DLGAP2: variants seen among roughly 807,000 people sequenced by gnomAD.
The protein encoded by DLGAP2 is disks large-associated protein 2.
A neutral mutation model predicts 100.3 loss-of-function variants in DLGAP2; 26 were observed. The observed-to-expected ratio is 0.26, with a 90% CI of 0.19 to 0.36. The LOEUF is 0.36. DLGAP2 is among the 10% of genes least tolerant of loss of function. The pLI is 1.00. For missense variants in DLGAP2, 1,858 were observed against 1,453.2 expected (o/e 1.28, Z -4.53); for synonymous variants, 886 against 630.1 (o/e 1.41, Z -6.08).
chr8:840,921 A>T (rs1030614303), intron 1 of DLGAP2, among the ~76,000 whole-genome samples: 3 of 152,132 alleles, frequency 2.0e-5, no homozygotes, highest in African/African-American at 7.2e-5. Context: ...GTTTGGCAGG[A>T]CTCAGCAGTG....
At chr8:1,046,342 C>T (rs932156505) in intron 2 of DLGAP2, among the ~76,000 whole-genome samples, 3 of 152,164 alleles carry the variant, frequency 2.0e-5, no homozygotes, top group East Asian at 1.9e-4. Context: ...CTTCACTTTA[C>T]CTCTAGTTTG....
chr8:1,533,876 G>T (rs1360019858), intron 4 of DLGAP2, among the ~76,000 whole-genome samples: 2 of 152,156 alleles, frequency 1.3e-5, no homozygotes, highest in African/African-American at 4.8e-5. Flanking sequence ...AGGATTGCTT[G>T]AGCGGGAGTT....
rs559139235 is a variant in DLGAP2 at position 1,254,087 on chromosome 8, G to A, written c.74-4764G>A. Among the ~76,000 whole-genome samples the A allele has an allele frequency of 1.0e-3, 153 of 152,342 alleles. 1 individual carries two copies. The highest frequency in any genetic ancestry group is 2.0e-3 in the Non-Finnish European group (134 of 68,034). ...AGTCCCTCCTGGGGGCACTGAGTGG[G>A]GACAGCCATGGCCAGGGGGGCCAAG... On this transcript the variant is annotated intron_variant, in intron 2 of 14. Transcript: ENST00000637795.
intron 1 of DLGAP2, among the ~76,000 whole-genome samples, chr8:845,682 A>AT (rs1179883091): frequency 2.0e-5 from 3 of 152,078 alleles, no homozygotes; most frequent in African/African-American, 7.2e-5. Context: ...TATCCAGTTT[A>AT]TTTCTTTTTT....
intron 4 of DLGAP2, among the ~76,000 whole-genome samples, chr8:1,539,363 A>T (rs1415686216): frequency 6.6e-6 from 1 of 152,184 alleles, no homozygotes; most frequent in Non-Finnish European, 1.5e-5. Context: ...GAGGACTCCG[A>T]AGAGGAAAAC....
In DLGAP2 at chr8:1,626,893, G is replaced by A. The variant is rs368996807; in HGVS notation, c.1590+6G>A. ...AGGCCAGCTGCGTGAGCCAGGTCAG[G>A]GTCCCTTCGCCCTTTCTCCCTGGGG... On this transcript the variant is annotated splice_donor_region_variant and intron_variant, in intron 7 of 14. Transcript: ENST00000637795. 3.8e-6 allele frequency: 6 copies of A among 1,587,392 alleles called. No homozygotes were observed. In the African/African-American group the frequency reaches 6.7e-5, roughly 18 times the overall value.
intron 2 of DLGAP2, among the ~76,000 whole-genome samples, chr8:949,273 C>A (rs1422329386): frequency 6.6e-6 from 1 of 152,166 alleles, no homozygotes; most frequent in Non-Finnish European, 1.5e-5. Flanking sequence ...GAGGAACTTT[C>A]CTAGTTCAGG....
chr8:1,189,090 G>C (rs113849855), intron 2 of DLGAP2, among the ~76,000 whole-genome samples: 4 of 144,348 alleles, frequency 2.8e-5, no homozygotes, highest in Non-Finnish European at 4.4e-5. Flanking sequence ...CCGGTTCCGC[G>C]GTTGGGGTTG....
In DLGAP2 at chr8:1,453,888, G is replaced by A. The variant is rs144462944; in HGVS notation, c.107-47478G>A. On this transcript the variant is annotated intron_variant, in intron 3 of 14. Coordinates refer to ENST00000637795, the MANE Select transcript of DLGAP2 (RefSeq NM_001346810.2). ...CTCCATGGAAACTGGATATTCAGAT[G>A]CTCTGAGATATTTTTGTCTTTGGGG... Among the ~76,000 whole-genome samples the A allele has an allele frequency of 2.8e-3, 424 of 152,328 alleles. 1 individual carries two copies. The highest frequency in any genetic ancestry group is 9.8e-3 in the African/African-American group (408 of 41,580).
At chr8:1,239,993 C>G (rs1262545995) in intron 2 of DLGAP2, among the ~76,000 whole-genome samples, 7 of 150,668 alleles carry the variant, frequency 4.6e-5, no homozygotes, top group Non-Finnish European at 8.8e-5. Flanking sequence ...CTAGTTCTCT[C>G]TCACACAGAG....
chr8:866,713 T>C (rs565162123), intron 1 of DLGAP2, among the ~76,000 whole-genome samples: 1 of 152,248 alleles, frequency 6.6e-6, no homozygotes, highest in Non-Finnish European at 1.5e-5. Context: ...CTAAATACTT[T>C]CCCAGACGCT....
chr8:1,124,798 T>C (rs1318900939), intron 2 of DLGAP2, among the ~76,000 whole-genome samples: 1 of 152,192 alleles, frequency 6.6e-6, no homozygotes, highest in Non-Finnish European at 1.5e-5. Context: ...TCCCATCAAA[T>C]CATCTCGTTT....
chr8:1,581,670 A>T (rs992861371), intron 6 of DLGAP2, among the ~76,000 whole-genome samples: 13 of 151,950 alleles, frequency 8.6e-5, no homozygotes, highest in Admixed American at 8.5e-4. Context: ...AACCAGAAAG[A>T]TACAGACAAA....
chr8:746,676 G>GT (rs2132564339), intron 1 of DLGAP2, among the ~76,000 whole-genome samples: 1 of 152,362 alleles, frequency 6.6e-6, no homozygotes, highest in African/African-American at 2.4e-5. Context: ...TTGATTTTCT[G>GT]TTTTTGTTTT....
intron 2 of DLGAP2, among the ~76,000 whole-genome samples, chr8:1,195,350 G>T (rs1797729187): frequency 6.6e-6 from 1 of 152,212 alleles, no homozygotes; most frequent in African/African-American, 2.4e-5. Flanking sequence ...TGGAGGCCTG[G>T]CCAGATGCAC....
At chr8:1,642,847 T>C (rs368996795) in intron 8 of DLGAP2, among the ~76,000 whole-genome samples, 1 of 138 alleles carries the variant, frequency 7.2e-3, no homozygotes. Context: ...AACCCGCCGG[T>C]CCTCACCTGT....
At chr8:1,110,024 G>A (rs1423998806) in intron 2 of DLGAP2, among the ~76,000 whole-genome samples, 1 of 137,270 alleles carries the variant, frequency 7.3e-6, no homozygotes, top group South Asian at 2.6e-4. Flanking sequence ...GGGTCTGTGA[G>A]GTGTGCACGT....
At chr8:933,578 T>C (rs11773938) in intron 2 of DLGAP2, among the ~76,000 whole-genome samples, 5,212 of 52,036 alleles carry the variant, frequency 0.1, 507 homozygotes, top group Admixed American at 0.13. Context: ...TGTGGAGACA[T>C]CTGGCCGTGG....
intron 6 of DLGAP2, among the ~76,000 whole-genome samples, chr8:1,594,379 A>C (rs535780300): frequency 3.0e-4 from 45 of 152,302 alleles, no homozygotes; most frequent in Non-Finnish European, 4.3e-4. Flanking sequence ...AATTTAAGTA[A>C]AGTGACAGGA....
Sources: allele counts gnomAD v4.1 joint callset (sites outside exome capture counted in the v4.1 genomes callset), GRCh38; gene constraint gnomAD v4.1.1; transcripts MANE v1.5; gene names NCBI Gene and HGNC (gene_info 2026-07-23, HGNC 2026-07-21).